HDLBP: variants seen among roughly 807,000 people sequenced by gnomAD.
HDLBP encodes high density lipoprotein binding protein.
HDLBP carries 30 observed loss-of-function variants against 137.3 expected under a neutral mutation model. That is an observed-to-expected ratio of 0.22 (90% CI 0.16 to 0.30). HDLBP has a LOEUF of 0.30. Ranked by LOEUF, HDLBP falls within the 10% of genes least tolerant of loss-of-function variation. The pLI, the probability that HDLBP is intolerant of heterozygous loss-of-function variation, is 1.00. For missense variants in HDLBP, 1,119 were observed against 1,667.3 expected, an observed-to-expected ratio of 0.67 and a Z score of 5.73; for synonymous variants, 606 against 596.0, an observed-to-expected ratio of 1.02 and a Z score of -0.24.
intron 1 of HDLBP, among the ~76,000 whole-genome samples, chr2:241,282,346 A>C (rs957573784): frequency 9.9e-5 from 15 of 152,234 alleles, no homozygotes; most frequent in Admixed American, 8.5e-4. Flanking sequence ...GAAGACTCAA[A>C]AAAAAGTGTG....
At chr2:241,283,116 G>A in intron 1 of HDLBP, among the ~76,000 whole-genome samples, 1 of 152,168 alleles carries the variant, frequency 6.6e-6, no homozygotes, top group East Asian at 1.9e-4. Context: ...CGCTGATAAG[G>A]AGAAAGTTTG....
intron 1 of HDLBP, among the ~76,000 whole-genome samples, chr2:241,293,651 G>T (rs890262193): frequency 4.0e-5 from 6 of 151,566 alleles, no homozygotes; most frequent in Non-Finnish European, 7.4e-5. Flanking sequence ...CAAGTGCAGT[G>T]ACTCACACCT....
chr2:241,280,861 T>C (rs1169618582), intron 1 of HDLBP, among the ~76,000 whole-genome samples: 5 of 152,202 alleles, frequency 3.3e-5, no homozygotes, highest in Non-Finnish European at 7.3e-5. Flanking sequence ...TCTCACTGTT[T>C]GGGAATGCTA....
chr2:241,315,432 C>T (rs1170469768), intron 1 of HDLBP, 138 bp downstream of exon 1: 1 of 152,268 alleles, frequency 6.6e-6, no homozygotes, highest in Non-Finnish European at 1.5e-5. Flanking sequence ...CTCCCCCTCC[C>T]CGTGATCGCT....
At chr2:241,264,965 T>C (rs1481950455) in intron 3 of HDLBP, among the ~76,000 whole-genome samples, 1 of 152,210 alleles carries the variant, frequency 6.6e-6, no homozygotes, top group African/African-American at 2.4e-5. Context: ...TTAAGTCCTC[T>C]AGAGTCTAAT....
chr2:241,292,413 A>C (rs1209700982), intron 1 of HDLBP, among the ~76,000 whole-genome samples: 1 of 152,252 alleles, frequency 6.6e-6, no homozygotes, highest in Non-Finnish European at 1.5e-5. Context: ...AGATTTTCAA[A>C]GAGCTAAGAG....
chr2:241,264,664 C>A (rs545557552), intron 3 of HDLBP, 59 bp from the exon 4 acceptor site: 1 of 1,540,452 alleles, frequency 6.5e-7, no homozygotes, highest in Non-Finnish European at 8.9e-7. Flanking sequence ...ATGAAAAACA[C>A]TTTTAAGGGT....
chr2:241,230,252 T>G lies in HDLBP; in HGVS notation c.3492A>C (p.Pro1164=). ...MDEFKVDIRF[P]QSGAPDPNCV... Reference sequence around the variant, plus strand: ...AGTTGGGGTCTGGGGCTCCGCTCTGTGGGAAGCGAATGTCCACCTGGAAGG... The same window carrying G: ...AGTTGGGGTCTGGGGCTCCGCTCTGGGGGAAGCGAATGTCCACCTGGAAGG... The change falls in exon 26 of 28, where the codon CCA becomes CCC. Residue 1164 remains proline, a synonymous_variant. Coordinates refer to ENST00000310931, the MANE Select transcript of HDLBP (RefSeq NM_005336.6). The surrounding 1 kb of genome is among the most constrained non-coding windows in gnomAD (Gnocchi z 5.0). The G allele has an allele frequency of 6.3e-7, 1 of 1,592,414 alleles. No homozygotes were observed. The highest frequency in any genetic ancestry group is 8.6e-7 in the Non-Finnish European group (1 of 1,163,896).
chr2:241,279,964 G>T, intron 1 of HDLBP: 1 of 985,404 alleles, frequency 1.0e-6, no homozygotes. Context: ...CCGCTGCAGT[G>T]GAGCCATGCT....
chr2:241,232,953 G>A (rs1055114169), intron 24 of HDLBP, among the ~76,000 whole-genome samples: 2 of 151,866 alleles, frequency 1.3e-5, no homozygotes, highest in African/African-American at 2.4e-5. Context: ...GTGACTCAAA[G>A]ATCCAAAAGG....
chr2:241,308,884 G>A (rs1217893281), intron 1 of HDLBP, among the ~76,000 whole-genome samples: 1 of 152,110 alleles, frequency 6.6e-6, no homozygotes, highest in Non-Finnish European at 1.5e-5. Context: ...GCTCTCCAAA[G>A]GCATCAAGAT....
Position 241,239,744 on chromosome 2 carries a change from A to G in HDLBP, c.2468T>C (p.Leu823Ser). 1.2e-6 allele frequency: 2 copies of G among 1,614,182 alleles called. No individual in the cohort carries two copies. Among genetic ancestry groups the G allele is most frequent in the Non-Finnish European group, 1.7e-6 (2 of 1,180,034 alleles). Reference protein sequence around the residue: ...RHFVIRRGQVLREIAEEYGGV... With the variant: ...RHFVIRRGQVSREIAEEYGGV... ...GCCATACTCTTCAGCAATCTCCCGCAAGACCTGGCCTCTGCGGATGACGAA... is the reference window on the plus strand; with the variant it reads ...GCCATACTCTTCAGCAATCTCCCGCGAGACCTGGCCTCTGCGGATGACGAA... The change falls in exon 19 of 28, where the codon TTG becomes TCG. Residue 823 changes from leucine to serine, a missense_variant. Coordinates refer to ENST00000310931, the MANE Select transcript of HDLBP (RefSeq NM_005336.6). This position sits in a 1 kb window ranked among gnomAD's most constrained non-coding sequence, Gnocchi z 4.6.
chr2:241,272,574 C>T lies in HDLBP; in HGVS notation c.-102-4033G>A, dbSNP rs1337674854. ...CCCCAGGTCTGGCCCGGAACCGCCA[C>T]GCGCGGTAAGCAGGACACCCGCGGG... is the stretch of plus-strand genomic sequence containing the variant. On this transcript the variant is annotated intron_variant, in intron 1 of 27. Transcript: ENST00000310931. The surrounding 1 kb of genome is among the most constrained non-coding windows in gnomAD (Gnocchi z 5.6). The T allele has an allele frequency of 1.2e-5, 12 of 984,172 alleles. No homozygotes were observed. The highest frequency in any genetic ancestry group is 1.8e-5 in the African/African-American group (1 of 57,046). The allele number at this position is 984,172 out of a possible 1,614,324, so 61.0% of individuals were successfully genotyped here. A position where few individuals can be genotyped will look rare whatever the true frequency, so the allele number is the denominator to read the frequency against.
intron 1 of HDLBP, among the ~76,000 whole-genome samples, chr2:241,287,984 C>A (rs569248509): frequency 6.6e-6 from 1 of 152,172 alleles, no homozygotes; most frequent in African/African-American, 2.4e-5. Context: ...ACACCACATA[C>A]CCCCAAAGTG....
At chr2:241,255,299 A>T in intron 8 of HDLBP, 75 bp downstream of exon 8, 1 of 1,467,918 alleles carries the variant, frequency 6.8e-7, no homozygotes. Flanking sequence ...CAGGATTTAC[A>T]AATCGAGAGC....
chr2:241,261,803 C>T (rs2073212702), intron 5 of HDLBP, among the ~76,000 whole-genome samples: 1 of 152,192 alleles, frequency 6.6e-6, no homozygotes, highest in African/African-American at 2.4e-5. Flanking sequence ...TTAGGTGGCA[C>T]TCCTCTGCCT....
chr2:241,228,252 G>C lies in HDLBP; in HGVS notation c.*1349C>G, dbSNP rs1179995519. 4 of 152,348 alleles carry C rather than the reference G, an allele frequency of 2.6e-5. No homozygotes were observed. Among genetic ancestry groups the C allele is most frequent in the Non-Finnish European group, 5.9e-5 (4 of 68,120 alleles). 9.4% of individuals were successfully genotyped at this position (152,348 alleles called of 1,614,324 possible). ...TCACCTCCGTGGCGGACACAGATAA[G>C]GATGTTAAGACCAGAAAACCAGAGA... On this transcript the variant is annotated 3_prime_UTR_variant, in exon 28 of 28. Coordinates refer to ENST00000310931, the MANE Select transcript of HDLBP (RefSeq NM_005336.6).
rs571301893 is a variant in HDLBP, at chr2:241,267,441, A to G, written c.-37-535T>C. 4 of 776,378 alleles carry G rather than the reference A, an allele frequency of 5.2e-6. No homozygotes were observed. The African/African-American group carries it at 6.9e-5, about 13-fold the overall frequency. The allele number at this position is 776,378 out of a possible 1,614,324, so 48.1% of individuals were successfully genotyped here. A position where few individuals can be genotyped will look rare whatever the true frequency, so the allele number is the denominator to read the frequency against. Reference sequence around the variant, plus strand: ...CCCAGGGGCCACAGAGACACAGTCAACACCACCCCTAACCGCAGGGGTGGG... The same window carrying G: ...CCCAGGGGCCACAGAGACACAGTCAGCACCACCCCTAACCGCAGGGGTGGG... On this transcript the variant is annotated intron_variant, in intron 2 of 27. Transcript: ENST00000310931.
At chr2:241,290,559 G>A (rs943396130) in intron 1 of HDLBP, among the ~76,000 whole-genome samples, 9 of 151,566 alleles carry the variant, frequency 5.9e-5, no homozygotes, top group African/African-American at 1.9e-4. Context: ...GTGGTGAGCC[G>A]AGATCGCGCC....
Sources: allele counts gnomAD v4.1 joint callset (sites outside exome capture counted in the v4.1 genomes callset), GRCh38; gene constraint gnomAD v4.1.1; non-coding constraint Gnocchi (gnomAD v3.1); transcripts MANE v1.5; gene names NCBI Gene and HGNC (gene_info 2026-07-23, HGNC 2026-07-21).